The following RARS2 variants were observed in gnomAD, a reference collection of about 807,000 sequenced individuals.
The protein encoded by RARS2 is probable arginine--tRNA ligase, mitochondrial.
RARS2 carries 67 observed loss-of-function variants against 88.5 expected under a neutral mutation model. The ratio of observed to expected loss-of-function variants is 0.76; its 90% CI spans 0.62 to 0.93. The LOEUF (loss-of-function observed/expected upper bound fraction) is 0.93, where lower values mean the gene tolerates loss of function less well. RARS2 is among the 40% of genes least tolerant of loss of function. The probability of loss-of-function intolerance (pLI) is 0.00; values close to 1 mark genes in which losing one functional copy is unlikely to be tolerated. For missense variants in RARS2, 664 were observed against 684.2 expected (o/e 0.97, Z 0.33); for synonymous variants, 239 against 230.3 (o/e 1.04, Z -0.34).
intron 8 of RARS2, among the ~76,000 whole-genome samples, chr6:87,540,664 C>T (rs760698152): frequency 3.9e-5 from 6 of 152,048 alleles, no homozygotes; most frequent in Admixed American, 3.3e-4. Context: ...TGGCTGACTT[C>T]GTATCCGCGT....
intron 1 of RARS2, among the ~76,000 whole-genome samples, chr6:87,574,826 C>A (rs1211187591): frequency 6.6e-6 from 1 of 151,554 alleles, no homozygotes. Context: ...AACTTTTTAC[C>A]ATAAAACTAA....
intron 1 of RARS2, among the ~76,000 whole-genome samples, chr6:87,582,642 G>C (rs549757703): frequency 2.0e-5 from 3 of 152,330 alleles, no homozygotes; most frequent in African/African-American, 7.2e-5. Flanking sequence ...TGTGAGAATA[G>C]ATTGGAAGCA....
intron 1 of RARS2, among the ~76,000 whole-genome samples, chr6:87,572,875 G>A (rs1030197373): frequency 2.6e-5 from 4 of 151,722 alleles, no homozygotes; most frequent in Admixed American, 2.0e-4. Context: ...AAGGTACAAA[G>A]GGAATCTATC....
intron 1 of RARS2, among the ~76,000 whole-genome samples, chr6:87,580,779 C>T (rs1419519105): frequency 6.6e-6 from 1 of 151,674 alleles, no homozygotes; most frequent in African/African-American, 2.4e-5. Flanking sequence ...TATTTATTTG[C>T]TTACTTATTT....
intron 7 of RARS2, among the ~76,000 whole-genome samples, chr6:87,542,672 A>AAAAAC: frequency 6.6e-6 from 1 of 151,838 alleles, no homozygotes; most frequent in African/African-American, 2.4e-5. Context: ...AAAAAAAAAA[A>AAAAAC]CCCAAACACC....
chr6:87,568,612 A>C (rs1233965434), intron 2 of RARS2, among the ~76,000 whole-genome samples: 1 of 152,230 alleles, frequency 6.6e-6, no homozygotes, highest in African/African-American at 2.4e-5. Context: ...ACATATAATC[A>C]TGAGATCCTC....
intron 7 of RARS2, among the ~76,000 whole-genome samples, chr6:87,544,283 T>C (rs1183712630): frequency 2.6e-5 from 4 of 152,262 alleles, no homozygotes; most frequent in East Asian, 1.9e-4. Context: ...ATTTTTTAAA[T>C]GCAGGGCATG....
intron 8 of RARS2, 126 bp downstream of exon 8, chr6:87,541,792 C>T: frequency 1.4e-6 from 1 of 714,478 alleles, no homozygotes; most frequent in Non-Finnish European, 2.4e-6. Context: ...CCACTGCACT[C>T]CAGCCTGGGC....
At chr6:87,521,674 T>C (rs1335832370) in intron 11 of RARS2, 150 bp from the exon 12 acceptor site, 2 of 582,676 alleles carry the variant, frequency 3.4e-6, no homozygotes, top group Non-Finnish European at 6.1e-6. Flanking sequence ...ATAATCCGAA[T>C]ATCATGTTTT....
intron 1 of RARS2, among the ~76,000 whole-genome samples, chr6:87,571,011 G>A (rs1300007581): frequency 6.6e-6 from 1 of 152,166 alleles, no homozygotes; most frequent in Non-Finnish European, 1.5e-5. Flanking sequence ...GCTAGGATGT[G>A]AACACAGGCT....
intron 12 of RARS2, 26 bp from the exon 13 acceptor site, chr6:87,520,282 A>G (rs1023330222): frequency 6.7e-7 from 1 of 1,501,174 alleles, no homozygotes; most frequent in Non-Finnish European, 9.3e-7. Flanking sequence ...TATATAAAAT[A>G]AAAGAATACT....
intron 2 of RARS2, among the ~76,000 whole-genome samples, chr6:87,567,782 CT>C (rs1333719700): frequency 1.3e-5 from 2 of 151,942 alleles, no homozygotes; most frequent in African/African-American, 2.4e-5. Flanking sequence ...TATTTATTTA[CT>C]TTTTTTGAGA....
intron 1 of RARS2, among the ~76,000 whole-genome samples, chr6:87,584,256 T>C (rs1341159382): frequency 2.0e-5 from 3 of 152,246 alleles, no homozygotes; most frequent in Non-Finnish European, 4.4e-5. Context: ...CTGTGGCTAC[T>C]GCTATTGCTA....
At chr6:87,573,074 G>A (rs1770289300) in intron 1 of RARS2, among the ~76,000 whole-genome samples, 1 of 152,172 alleles carries the variant, frequency 6.6e-6, no homozygotes, top group South Asian at 2.1e-4. Context: ...ATTAGTTCTT[G>A]TACTGCTATA....
intron 1 of RARS2, among the ~76,000 whole-genome samples, chr6:87,578,281 C>A (rs1038448730): frequency 5.9e-5 from 9 of 152,078 alleles, no homozygotes; most frequent in Non-Finnish European, 1.0e-4. Context: ...ATAATACAGC[C>A]TGGATTTTGT....
chr6:87,587,815 C>T (rs1775615964), intron 1 of RARS2, among the ~76,000 whole-genome samples: 1 of 152,098 alleles, frequency 6.6e-6, no homozygotes, highest in South Asian at 2.1e-4. Flanking sequence ...CTTTGTCCCC[C>T]AGGCTGAAGT....
intron 1 of RARS2, among the ~76,000 whole-genome samples, chr6:87,586,064 A>G (rs1775062248): frequency 6.6e-6 from 1 of 152,180 alleles, no homozygotes. Context: ...AAGATAAGTG[A>G]TATGATTTGA....
chr6:87,530,809 A>G lies in RARS2; in HGVS notation c.746T>C (p.Ile249Thr), dbSNP rs149674406. Residue 249 changes from isoleucine (I) to threonine (T), a missense_variant, in exon 9 of 20, where the codon ATT becomes ACT. By Grantham distance (89) the Ile-to-Thr change is moderately conservative. Coordinates refer to ENST00000369536, the MANE Select transcript of RARS2 (RefSeq NM_020320.5). ...SLWQKFRDLS[I>T]EEYIRVYKRL... is the part of the protein sequence containing the mutation. ...CTTGTAAACCCGAATGTACTCTTCA[A>G]TGCTCAAGTCCCGAAATTTTTGCCA... The G allele has an allele frequency of 6.2e-7, 1 of 1,614,220 alleles. No individual in the cohort carries two copies. The highest frequency in any genetic ancestry group is 8.5e-7 in the Non-Finnish European group (1 of 1,180,026).
At chr6:87,535,115 A>G (rs1406477605) in intron 8 of RARS2, among the ~76,000 whole-genome samples, 1 of 152,340 alleles carries the variant, frequency 6.6e-6, no homozygotes, top group East Asian at 1.9e-4. Context: ...TCATTTAAAA[A>G]CTATTTCTTA....
Sources: gnomAD v4.1 joint callset for allele counts (sites outside exome capture counted in the v4.1 genomes callset) on GRCh38, gnomAD v4.1.1 for gene constraint, MANE v1.5 for transcripts, NCBI Gene and HGNC (gene_info 2026-07-23, HGNC 2026-07-21) for gene names.